ZNF892: variants seen among roughly 807,000 people sequenced by gnomAD.
ZNF892 encodes zinc finger protein 570-like.
At chr2:95,217,327 G>T in the ZNF892 span, among the ~76,000 whole-genome samples, 205 of 152,228 alleles carry the variant, frequency 1.3e-3, no homozygotes, top group African/African-American at 4.8e-3. Flanking sequence ...GGGAAGAGGG[G>T]ATACGTTTAG....
At chr2:95,214,710 T>C in the ZNF892 span, 1 of 417,430 alleles carries the variant, frequency 2.4e-6, no homozygotes, top group East Asian at 3.5e-5. Context: ...ATGCAATGAA[T>C]GCGAGAAAGC....
At chr2:95,237,659 A>G in the ZNF892 span, among the ~76,000 whole-genome samples, 1 of 152,276 alleles carries the variant, frequency 6.6e-6, no homozygotes, top group Non-Finnish European at 1.5e-5. Context: ...TGAGGAAGGC[A>G]TGTCCAAAGC....
chr2:95,211,461 C>T, the ZNF892 span, among the ~76,000 whole-genome samples: 2 of 152,214 alleles, frequency 1.3e-5, no homozygotes, highest in African/African-American at 4.8e-5. Flanking sequence ...ACATATTCAC[C>T]AGAGAATCTT....
chr2:95,226,572 T>C, the ZNF892 span, among the ~76,000 whole-genome samples: 1 of 152,240 alleles, frequency 6.6e-6, no homozygotes, highest in Non-Finnish European at 1.5e-5. Context: ...GTAGGGATTC[T>C]GGAAGGCCTG....
At chr2:95,242,523 C>T in the ZNF892 span, among the ~76,000 whole-genome samples, 8 of 152,274 alleles carry the variant, frequency 5.3e-5, no homozygotes, top group South Asian at 2.1e-4. Context: ...AAACTGTTAC[C>T]GGCCACTACA....
chr2:95,258,485 G>A, the ZNF892 span, among the ~76,000 whole-genome samples: 1 of 152,146 alleles, frequency 6.6e-6, no homozygotes, highest in Admixed American at 6.5e-5. Context: ...TTATAAATTG[G>A]GAATGGACGT....
chr2:95,249,798 A>G, the ZNF892 span, among the ~76,000 whole-genome samples: 1 of 152,292 alleles, frequency 6.6e-6, no homozygotes, highest in African/African-American at 2.4e-5. Context: ...AAACTAGAGA[A>G]ACTTAAACAC....
the ZNF892 span, among the ~76,000 whole-genome samples, chr2:95,254,543 T>G: frequency 6.6e-6 from 1 of 152,050 alleles, no homozygotes; most frequent in African/African-American, 2.4e-5. Flanking sequence ...TAAAATTCTC[T>G]TTTTTTGTTG....
At chr2:95,240,447 T>G in the ZNF892 span, among the ~76,000 whole-genome samples, 2 of 152,284 alleles carry the variant, frequency 1.3e-5, no homozygotes, top group Admixed American at 1.3e-4. Context: ...CTTTGCAACT[T>G]GTGGATCAGG....
chr2:95,234,749 A>G, the ZNF892 span, among the ~76,000 whole-genome samples: 1 of 152,244 alleles, frequency 6.6e-6, no homozygotes, highest in Admixed American at 6.5e-5. Flanking sequence ...ATGTCTCCTC[A>G]TCTGGCTGTT....
chr2:95,228,652 T>G, the ZNF892 span, among the ~76,000 whole-genome samples: 1 of 152,358 alleles, frequency 6.6e-6, no homozygotes, highest in African/African-American at 2.4e-5. Context: ...CTGAATCAAT[T>G]ATTACATTAG....
chr2:95,259,343 T>C, the ZNF892 span: 1 of 152,934 alleles, frequency 6.5e-6, no homozygotes, highest in African/African-American at 2.4e-5. Flanking sequence ...AGGCTTGAGT[T>C]TGGCGGCTCT....
the ZNF892 span, among the ~76,000 whole-genome samples, chr2:95,221,561 T>C: frequency 6.6e-6 from 1 of 152,222 alleles, no homozygotes; most frequent in Non-Finnish European, 1.5e-5. Flanking sequence ...TTTTAGGGGC[T>C]ATTTAGATTT....
the ZNF892 span, chr2:95,207,693 C>CGGGTG: frequency 5.0e-6 from 2 of 397,422 alleles, no homozygotes; most frequent in East Asian, 7.1e-5. Flanking sequence ...GGAGGACCCC[C>CGGGTG]GGGTGGGGGC....
At chr2:95,233,979 T>A in the ZNF892 span, among the ~76,000 whole-genome samples, 8 of 152,330 alleles carry the variant, frequency 5.3e-5, no homozygotes, top group East Asian at 1.4e-3. Flanking sequence ...TGTGCCTGGC[T>A]CATTTCTTAA....
At chr2:95,245,887 G>GA in the ZNF892 span, among the ~76,000 whole-genome samples, 1 of 151,868 alleles carries the variant, frequency 6.6e-6, no homozygotes, top group Non-Finnish European at 1.5e-5. Context: ...GCCTACCAAT[G>GA]AAAAAAAGCC....
the ZNF892 span, among the ~76,000 whole-genome samples, chr2:95,231,551 A>G: frequency 1.4e-4 from 21 of 152,358 alleles, 1 homozygote; most frequent in East Asian, 3.3e-3. Context: ...GCATATAAAT[A>G]TGCGAGAGTG....
the ZNF892 span, among the ~76,000 whole-genome samples, chr2:95,248,723 A>G: frequency 1.3e-5 from 2 of 152,128 alleles, no homozygotes; most frequent in South Asian, 4.1e-4. Flanking sequence ...TTATAAGTAA[A>G]TCTATTTAAT....
At chr2:95,214,001 TC>T in the ZNF892 span, among the ~76,000 whole-genome samples, 1 of 152,122 alleles carries the variant, frequency 6.6e-6, no homozygotes, top group African/African-American at 2.4e-5. Context: ...CTCCTCTAGA[TC>T]CTTTTTTAAA....
Sources: allele counts gnomAD v4.1 joint callset (sites outside exome capture counted in the v4.1 genomes callset), GRCh38; gene constraint gnomAD v4.1.1; transcripts MANE v1.5; gene names NCBI Gene and HGNC (gene_info 2026-07-23, HGNC 2026-07-21).